PPP6R3: variants seen among roughly 807,000 people sequenced by gnomAD.
PPP6R3 encodes protein phosphatase 6 regulatory subunit 3.
In PPP6R3, 38 loss-of-function variants were observed where a neutral mutation model predicts 110.7. The ratio of observed to expected loss-of-function variants is 0.34; its 90% CI spans 0.26 to 0.45. The LOEUF (loss-of-function observed/expected upper bound fraction) is 0.45. PPP6R3 is among the 20% of genes least tolerant of loss of function. The probability of loss-of-function intolerance (pLI) is 1.00; values close to 1 mark genes in which losing one functional copy is unlikely to be tolerated. For missense variants in PPP6R3, 870 were observed against 1,062.4 expected (o/e 0.82, Z 2.52); for synonymous variants, 369 against 373.5 (o/e 0.99, Z 0.14).
intron 1 of PPP6R3, among the ~76,000 whole-genome samples, chr11:68,463,226 G>T (rs1192411799): frequency 6.6e-6 from 1 of 151,746 alleles, no homozygotes; most frequent in East Asian, 1.9e-4. Context: ...AAAATTAGTC[G>T]GTCATGGTGG....
intron 1 of PPP6R3, among the ~76,000 whole-genome samples, chr11:68,487,506 G>A (rs764359481): frequency 4.0e-5 from 6 of 151,622 alleles, no homozygotes; most frequent in Non-Finnish European, 5.9e-5. Context: ...GGAGGCAGAG[G>A]TTGCAGTGAA....
At chr11:68,564,653 G>A (rs895117832) in intron 9 of PPP6R3, among the ~76,000 whole-genome samples, 2 of 152,296 alleles carry the variant, frequency 1.3e-5, no homozygotes, top group African/African-American at 4.8e-5. Context: ...TCATTCTTCT[G>A]TAAATTCTTG....
In PPP6R3 at chr11:68,600,565, C is replaced by T. The variant is rs770521877; in HGVS notation, c.2192+71C>T. On this transcript the variant is annotated intron_variant, in intron 20 of 23. Coordinates refer to ENST00000393800, the MANE Select transcript of PPP6R3 (RefSeq NM_001164161.2). Reference sequence around the variant, plus strand: ...GGAATGGTCAGGTGTTTGCTGTTAACGTGTGTTCTTCACCTTGACTGACTT... The same window carrying T: ...GGAATGGTCAGGTGTTTGCTGTTAATGTGTGTTCTTCACCTTGACTGACTT... 373 of 1,522,526 alleles carry T rather than the reference C, an allele frequency of 2.4e-4. 1 individual carries two copies. Among genetic ancestry groups the T allele is most frequent in the Non-Finnish European group, 3.1e-4 (353 of 1,133,054 alleles). 94.3% of individuals were successfully genotyped at this position (1,522,526 alleles called of 1,614,324 possible). A position where few individuals can be genotyped will look rare whatever the true frequency, so the allele number is the denominator to read the frequency against.
At chr11:68,534,094 G>A (rs2099256564) in intron 2 of PPP6R3, among the ~76,000 whole-genome samples, 1 of 152,158 alleles carries the variant, frequency 6.6e-6, no homozygotes, top group South Asian at 2.1e-4. Flanking sequence ...GCACAATGGA[G>A]GAAACTCTGT....
chr11:68,544,701 A>G, intron 3 of PPP6R3, 137 bp from the exon 4 acceptor site: 1 of 623,550 alleles, frequency 1.6e-6, no homozygotes, highest in Non-Finnish European at 2.7e-6. Context: ...AACAGAATGG[A>G]TTGAAATGAT....
At chr11:68,475,476 C>T (rs1199622204) in intron 1 of PPP6R3, among the ~76,000 whole-genome samples, 5 of 152,136 alleles carry the variant, frequency 3.3e-5, no homozygotes, top group Admixed American at 1.3e-4. Context: ...CTTCTCACTT[C>T]CCAGAAGGGG....
chr11:68,611,535 G>T (rs1943397460), intron 23 of PPP6R3, among the ~76,000 whole-genome samples: 1 of 152,162 alleles, frequency 6.6e-6, no homozygotes, highest in Admixed American at 6.5e-5. Context: ...AAGAAGAGGG[G>T]CATCACTTGG....
rs1283563406 is a variant in PPP6R3, at chr11:68,537,687, A to C, written c.23A>C (p.His8Pro). The change falls in exon 3 of 24, where the codon CAC becomes CCC. Residue 8 changes from histidine to proline, a missense_variant. Physicochemically the swap from His to Pro is moderately conservative, Grantham distance 77 (BLOSUM62 -2). Transcript: ENST00000393800. ...AGCATGTTTTGGAAATTTGATCTTC[A>C]CTCATCATCCCACATAGACACACTT... MFWKFDLHSSSHIDTLLE... is the reference protein window; with the variant it reads MFWKFDLPSSSHIDTLLE... 1.9e-6 allele frequency: 3 copies of C among 1,602,664 alleles called. No homozygotes were observed. Among genetic ancestry groups the C allele is most frequent in the Non-Finnish European group, 2.6e-6 (3 of 1,174,534 alleles).
At chr11:68,499,014 T>G (rs2099033953) in intron 1 of PPP6R3, among the ~76,000 whole-genome samples, 3 of 152,218 alleles carry the variant, frequency 2.0e-5, no homozygotes, top group Admixed American at 1.3e-4. Flanking sequence ...AGAGATGTCT[T>G]ACTTAGGGCA....
At position 68,564,295 on chromosome 11, in the gene PPP6R3, G is replaced by T; in HGVS notation, c.846-8G>T. 6.3e-7 allele frequency: 1 copy of T among 1,597,366 alleles called. No homozygotes were observed. Among genetic ancestry groups the T allele is most frequent in the Non-Finnish European group, 8.5e-7 (1 of 1,171,030 alleles). On this transcript the variant is annotated splice_region_variant and splice_polypyrimidine_tract_variant and intron_variant, in intron 8 of 23. Transcript: ENST00000393800. ...TATAATAACTAAAATTCCTTGCTTT[G>T]TTTCAAGATTTGAAGGCCATATAGA...
chr11:68,595,495 C>T (rs1417117534), intron 18 of PPP6R3, among the ~76,000 whole-genome samples: 2 of 152,026 alleles, frequency 1.3e-5, no homozygotes, highest in African/African-American at 2.4e-5. Flanking sequence ...GGATTACAGG[C>T]GTGAGCCACC....
chr11:68,609,104 G>A (rs534388961), intron 22 of PPP6R3, among the ~76,000 whole-genome samples: 1 of 152,260 alleles, frequency 6.6e-6, no homozygotes, highest in East Asian at 1.9e-4. Context: ...ATGTAAAAAG[G>A]GGAATCCCAG....
intron 1 of PPP6R3, among the ~76,000 whole-genome samples, chr11:68,482,657 T>C (rs1206382931): frequency 1.3e-5 from 2 of 152,132 alleles, no homozygotes; most frequent in African/African-American, 4.8e-5. Context: ...TGGTTTGGGA[T>C]AGAAAGTCTT....
chr11:68,594,275 AGAGAGAGAGAGAGAGAGGAGAGAG>A (rs1449598034), intron 18 of PPP6R3, among the ~76,000 whole-genome samples: 10 of 150,616 alleles, frequency 6.6e-5, no homozygotes, highest in African/African-American at 2.4e-4. Context: ...GGAGAGAGAG[AGAGAGAGAGAGAGAGAGGAGAGAG>A]GAGAGAGAGA....
In PPP6R3 at chr11:68,577,639, C is replaced by T. The variant is rs575494078; in HGVS notation, c.1545+1596C>T. Among the ~76,000 whole-genome samples the T allele has an allele frequency of 3.3e-5, 5 of 152,316 alleles. No individual in the cohort carries two copies. The East Asian group carries it at 9.6e-4, about 29-fold the overall frequency. On this transcript the variant is annotated intron_variant, in intron 14 of 23. Coordinates refer to ENST00000393800, the MANE Select transcript of PPP6R3 (RefSeq NM_001164161.2). ...TTCATTACAATTCAGATAATGCTCACTTACTGTATAGTATGCTGTCAGCAG... is the reference window on the plus strand; with the variant it reads ...TTCATTACAATTCAGATAATGCTCATTTACTGTATAGTATGCTGTCAGCAG...
chr11:68,594,111 A>G (rs906801961), intron 18 of PPP6R3, among the ~76,000 whole-genome samples: 6 of 152,212 alleles, frequency 3.9e-5, no homozygotes, highest in Non-Finnish European at 8.8e-5. Context: ...GGTCTGTATT[A>G]ATCTCAAAAG....
chr11:68,474,042 CCT>C (rs1030426243), intron 1 of PPP6R3, among the ~76,000 whole-genome samples: 7 of 138,810 alleles, frequency 5.0e-5, no homozygotes, highest in South Asian at 4.4e-4. Context: ...AAAGCAATTA[CCT>C]TTTTTTTTTT....
At chr11:68,462,258 T>C (rs897698890) in intron 1 of PPP6R3, among the ~76,000 whole-genome samples, 2 of 152,242 alleles carry the variant, frequency 1.3e-5, no homozygotes, top group African/African-American at 2.4e-5. Context: ...GAGTCCCGAC[T>C]CTTGGTGACT....
intron 1 of PPP6R3, among the ~76,000 whole-genome samples, chr11:68,492,694 T>C (rs1033333298): frequency 2.6e-5 from 4 of 152,208 alleles, no homozygotes; most frequent in African/African-American, 9.6e-5. Context: ...GCTGCCATAC[T>C]GTTTTCCATG....
Sources: allele counts gnomAD v4.1 joint callset (sites outside exome capture counted in the v4.1 genomes callset), GRCh38; gene constraint gnomAD v4.1.1; transcripts MANE v1.5; gene names NCBI Gene and HGNC (gene_info 2026-07-23, HGNC 2026-07-21).